The following PTPRT variants were observed in gnomAD, a reference collection of about 807,000 sequenced individuals.
PTPRT encodes the protein protein tyrosine phosphatase receptor type T.
Under a neutral mutation model 176.8 loss-of-function variants are expected in PTPRT, and 56 were observed. The ratio of observed to expected loss-of-function variants is 0.32; its 90% CI spans 0.26 to 0.40. The LOEUF (loss-of-function observed/expected upper bound fraction) is 0.40. Among genes scored for constraint, PTPRT ranks in the 10% least tolerant of loss-of-function variants. The pLI is 1.00. For synonymous variants in PTPRT, 783 were observed against 739.0 expected (o/e 1.06, Z -0.96); for missense variants, 1,540 against 1,908.2 (o/e 0.81, Z 3.60).
chr20:42,460,262 G>A (rs1022805626), intron 8 of PTPRT, among the ~76,000 whole-genome samples: 12 of 152,344 alleles, frequency 7.9e-5, no homozygotes, highest in Middle Eastern at 3.4e-3. Context: ...GGAAATGAAT[G>A]TGGATCCAGG....
intron 1 of PTPRT, among the ~76,000 whole-genome samples, chr20:42,965,686 T>C (rs540634756): frequency 1.3e-5 from 2 of 152,208 alleles, no homozygotes; most frequent in South Asian, 4.1e-4. Flanking sequence ...CTGAGAGCCA[T>C]AAAACTTCAA....
At chr20:43,083,345 T>TATATATAC (rs2011505111) in intron 1 of PTPRT, among the ~76,000 whole-genome samples, 5 of 117,360 alleles carry the variant, frequency 4.3e-5, no homozygotes, top group Admixed American at 9.2e-5. Flanking sequence ...TATATATATA[T>TATATATAC]ATATATATAT....
intron 12 of PTPRT, among the ~76,000 whole-genome samples, chr20:42,308,132 C>T (rs1204182286): frequency 6.6e-6 from 1 of 150,906 alleles, no homozygotes; most frequent in Non-Finnish European, 1.5e-5. Flanking sequence ...TAATCCACCC[C>T]TTTTTTTTTA....
intron 7 of PTPRT, among the ~76,000 whole-genome samples, chr20:42,520,372 T>G (rs2072149283): frequency 6.6e-6 from 1 of 152,140 alleles, no homozygotes; most frequent in South Asian, 2.1e-4. Context: ...AACATACCCT[T>G]TTCGGCCCCT....
intron 5 of PTPRT, among the ~76,000 whole-genome samples, chr20:42,764,398 T>G (rs1390660483): frequency 6.6e-6 from 1 of 152,184 alleles, no homozygotes; most frequent in African/African-American, 2.4e-5. Flanking sequence ...ATTTCATTGA[T>G]CTCATGTAGA....
intron 1 of PTPRT, among the ~76,000 whole-genome samples, chr20:43,073,903 A>C (rs1261192357): frequency 1.3e-5 from 2 of 152,016 alleles, no homozygotes; most frequent in Non-Finnish European, 2.9e-5. Flanking sequence ...GGCATATGTC[A>C]CCAGGCCCAG....
chr20:42,230,629 C>T (rs1006643816), intron 15 of PTPRT, among the ~76,000 whole-genome samples: 3 of 152,190 alleles, frequency 2.0e-5, no homozygotes, highest in African/African-American at 7.2e-5. Context: ...CATACACACT[C>T]TCTCGTTGCC....
At position 42,622,302 on chromosome 20, in the gene PTPRT, C is replaced by A. The variant is rs1406657990; in HGVS notation, c.1153+55564G>T. Among the ~76,000 whole-genome samples the A allele has an allele frequency of 2.0e-5, 3 of 151,602 alleles. No homozygotes were observed. In the East Asian group the frequency reaches 5.9e-4, roughly 30 times the overall value. Reference sequence around the variant, plus strand: ...TGCTGCCCAGGCTGGAGTGCAGTGGCGCCATCTCGGCTCACTGCAAGCTCC... The same window carrying A: ...TGCTGCCCAGGCTGGAGTGCAGTGGAGCCATCTCGGCTCACTGCAAGCTCC... On this transcript the variant is annotated intron_variant, in intron 7 of 30. Transcript: ENST00000373187.
chr20:42,754,690 G>C lies in PTPRT; in HGVS notation c.859+1772C>G, dbSNP rs77455971. Among the ~76,000 whole-genome samples, 3 of 152,326 alleles carry C rather than the reference G, an allele frequency of 2.0e-5. No homozygotes were observed. In the East Asian group the frequency reaches 5.8e-4, roughly 29 times the overall value. On this transcript the variant is annotated intron_variant, in intron 6 of 30. Coordinates refer to ENST00000373187, the MANE Select transcript of PTPRT (RefSeq NM_007050.6). ...AACATTTAATGTAAACAAATTTAAA[G>C]ATTTTTAAAGTTTTTTTTCATAAGT... is the stretch of plus-strand genomic sequence containing the variant.
rs372900150 is a variant in PTPRT at position 42,483,912 on chromosome 20, G to A, written c.1154-11350C>T. On this transcript the variant is annotated intron_variant, in intron 7 of 30. Transcript: ENST00000373187. The stretch of plus-strand genomic sequence containing the variant: ...AGGGGGCGATAGAGGGAGCCTGCGG[G>A]GCAGGAGGACGGGGAGACTTCAGCA... Among the ~76,000 whole-genome samples the A allele has an allele frequency of 1.4e-3, 220 of 152,318 alleles. 1 individual carries two copies. The highest frequency in any genetic ancestry group is 4.7e-3 in the African/African-American group (196 of 41,560).
intron 7 of PTPRT, among the ~76,000 whole-genome samples, chr20:42,527,451 T>C (rs1403535175): frequency 6.6e-6 from 1 of 152,198 alleles, no homozygotes; most frequent in Non-Finnish European, 1.5e-5. Context: ...AGATGTCATC[T>C]CTCAGCATCT....
chr20:42,724,642 T>C (rs111815494), intron 6 of PTPRT, among the ~76,000 whole-genome samples: 44 of 152,242 alleles, frequency 2.9e-4, no homozygotes, highest in African/African-American at 9.9e-4. Context: ...CTGTAAATAA[T>C]CTCTTCATGC....
intron 7 of PTPRT, among the ~76,000 whole-genome samples, chr20:42,498,102 A>T (rs1217255115): frequency 6.6e-6 from 1 of 152,192 alleles, no homozygotes; most frequent in Non-Finnish European, 1.5e-5. Context: ...TGCACCAAAC[A>T]TGATGAAAAA....
intron 1 of PTPRT, among the ~76,000 whole-genome samples, chr20:43,178,178 G>C (rs1227615215): frequency 6.6e-6 from 1 of 152,150 alleles, no homozygotes; most frequent in Non-Finnish European, 1.5e-5. Flanking sequence ...TAATAAAAAT[G>C]ATCTCAAAAC....
intron 9 of PTPRT, among the ~76,000 whole-genome samples, chr20:42,405,051 C>A (rs2058947429): frequency 7.0e-6 from 1 of 142,864 alleles, no homozygotes. Context: ...AACTTGAAGT[C>A]CTATGAATGT....
At chr20:42,517,740 T>G (rs2072096146) in intron 7 of PTPRT, among the ~76,000 whole-genome samples, 1 of 152,028 alleles carries the variant, frequency 6.6e-6, no homozygotes, top group Non-Finnish European at 1.5e-5. Flanking sequence ...ATTTCTCCTT[T>G]GACTCCAGAG....
At chr20:42,604,964 G>T (rs899280334) in intron 7 of PTPRT, among the ~76,000 whole-genome samples, 2 of 152,174 alleles carry the variant, frequency 1.3e-5, no homozygotes, top group Non-Finnish European at 2.9e-5. Flanking sequence ...GCTGACAGCA[G>T]GCAAGCTATC....
chr20:42,293,637 T>C (rs1276842841), intron 12 of PTPRT, among the ~76,000 whole-genome samples: 2 of 152,208 alleles, frequency 1.3e-5, no homozygotes, highest in African/African-American at 4.8e-5. Context: ...TTTTCTAGCA[T>C]TGATATTCCT....
rs151231064 is a variant in PTPRT at position 42,955,299 on chromosome 20, G to A, written c.89-69367C>T. Among the ~76,000 whole-genome samples the A allele has an allele frequency of 9.9e-5, 15 of 152,206 alleles. No homozygotes were observed. In the East Asian group the frequency reaches 1.9e-3, roughly 20 times the overall value. ...TACTGGCCAGTTAGTAAAGTTGCAC[G>A]GCTGAAAAACATGGCAATTCACAGA... On this transcript the variant is annotated intron_variant, in intron 1 of 30. Coordinates refer to ENST00000373187, the MANE Select transcript of PTPRT (RefSeq NM_007050.6).
Sources: gnomAD v4.1 joint callset for allele counts (sites outside exome capture counted in the v4.1 genomes callset) on GRCh38, gnomAD v4.1.1 for gene constraint, MANE v1.5 for transcripts, NCBI Gene and HGNC (gene_info 2026-07-23, HGNC 2026-07-21) for gene names.